CADM1: variants seen among roughly 807,000 people sequenced by gnomAD.
The protein encoded by CADM1 is TSLC-1.
CADM1 carries 15 observed loss-of-function variants against 53.1 expected under a neutral mutation model. That is an observed-to-expected ratio of 0.28 (90% CI 0.19 to 0.44). The LOEUF (loss-of-function observed/expected upper bound fraction) is 0.44. CADM1 is among the 20% of genes least tolerant of loss of function. CADM1 has a pLI of 1.00. For synonymous variants in CADM1, 281 were observed against 243.0 expected, an observed-to-expected ratio of 1.16 and a Z score of -1.45; for missense variants, 434 against 611.3, an observed-to-expected ratio of 0.71 and a Z score of 3.06.
chr11:115,402,047 A>G (rs1211150998), intron 1 of CADM1, among the ~76,000 whole-genome samples: 1 of 152,230 alleles, frequency 6.6e-6, no homozygotes, highest in African/African-American at 2.4e-5. Context: ...TTATAAAGTT[A>G]GAGAAAAGGC....
At chr11:115,238,202 A>G (rs1942077955) in intron 3 of CADM1, among the ~76,000 whole-genome samples, 1 of 152,172 alleles carries the variant, frequency 6.6e-6, no homozygotes, top group Non-Finnish European at 1.5e-5. Context: ...CCCGGTAGTT[A>G]GAAGTAATAA....
At chr11:115,435,475 G>T (rs1000507910) in intron 1 of CADM1, among the ~76,000 whole-genome samples, 2 of 152,278 alleles carry the variant, frequency 1.3e-5, no homozygotes, top group African/African-American at 4.8e-5. Flanking sequence ...GCTCACTCCT[G>T]TAATCCCAGC....
At chr11:115,291,843 A>C (rs901122722) in intron 1 of CADM1, among the ~76,000 whole-genome samples, 25 of 152,250 alleles carry the variant, frequency 1.6e-4, no homozygotes, top group African/African-American at 5.5e-4. Context: ...AGTGACAAAA[A>C]AATTAAAAAT....
chr11:115,427,289 A>G (rs535508534), intron 1 of CADM1, among the ~76,000 whole-genome samples: 2 of 152,330 alleles, frequency 1.3e-5, no homozygotes, highest in South Asian at 4.1e-4. Flanking sequence ...ATTGGGGAAC[A>G]GCTAAACAAA....
Position 115,214,728 on chromosome 11 carries a change from C to A in CADM1, c.874G>T (p.Val292Leu), listed in dbSNP as rs777959081. The A allele has an allele frequency of 1.2e-6, 2 of 1,613,916 alleles. No homozygotes were observed. The highest frequency in any genetic ancestry group is 2.2e-5 in the South Asian group (2 of 91,062). The change falls in exon 7 of 12, where the codon GTA becomes TTA. Residue 292 changes from valine to leucine, a missense_variant. Transcript: ENST00000331581. ...ATGAACAGGTTGGGCCCAGACAGTA[C>A]GGCGTGTTGAGGCATTTCATCATCG... The part of the protein sequence containing the change: ...RVDDEMPQHA[V>L]LSGPNLFINN...
intron 1 of CADM1, among the ~76,000 whole-genome samples, chr11:115,327,003 C>G (rs1442970567): frequency 6.6e-6 from 1 of 151,982 alleles, no homozygotes; most frequent in Non-Finnish European, 1.5e-5. Flanking sequence ...AATAATAATG[C>G]CAGCTACTAT....
chr11:115,372,828 A>G (rs1182434267), intron 1 of CADM1, among the ~76,000 whole-genome samples: 1 of 152,182 alleles, frequency 6.6e-6, no homozygotes, highest in Non-Finnish European at 1.5e-5. Flanking sequence ...AACAAGGAAA[A>G]CACTGGAACT....
At chr11:115,498,447 G>A (rs1465643882) in intron 1 of CADM1, among the ~76,000 whole-genome samples, 1 of 152,188 alleles carries the variant, frequency 6.6e-6, no homozygotes, top group Non-Finnish European at 1.5e-5. Flanking sequence ...GTCCTCACAT[G>A]GACGGTAATC....
intron 1 of CADM1, among the ~76,000 whole-genome samples, chr11:115,257,321 T>A (rs1409131046): frequency 6.6e-6 from 1 of 152,156 alleles, no homozygotes; most frequent in Admixed American, 6.5e-5. Flanking sequence ...AAAAATACTG[T>A]GAGTGTAACT....
Position 115,504,375 on chromosome 11 carries a change from G to A in CADM1, c.20C>T (p.Pro7Leu), listed in dbSNP as rs561567580. The A allele has an allele frequency of 1.0e-5, 16 of 1,547,514 alleles. No homozygotes were observed. Among genetic ancestry groups the A allele is most frequent in the Non-Finnish European group, 1.4e-5 (16 of 1,146,212 alleles). Residue 7 changes from proline (P) to leucine (L), a missense_variant, in exon 1 of 12, where the codon CCG becomes CTG. Pro to Leu is a moderately conservative substitution (Grantham distance 98, BLOSUM62 -3). This residue lies in a region of CADM1 where 76 missense variants were observed against 59.8 expected (regional missense o/e 1.27). Coordinates refer to ENST00000331581, the MANE Select transcript of CADM1 (RefSeq NM_001301043.2). MASVVL[P>L]SGSQCAAAAA... is the part of the protein sequence containing the mutation. ...TGCCGCCGCACACTGGGATCCGCTC[G>A]GCAGCACTACACTCGCCATGTCGGG...
chr11:115,393,018 T>A (rs1468612988), intron 1 of CADM1, among the ~76,000 whole-genome samples: 1 of 120,336 alleles, frequency 8.3e-6, no homozygotes, highest in African/African-American at 3.3e-5. Flanking sequence ...CACCTGTGAA[T>A]AGCCACTGCA....
chr11:115,381,257 G>T (rs1010038008), intron 1 of CADM1, among the ~76,000 whole-genome samples: 2 of 150,208 alleles, frequency 1.3e-5, no homozygotes, highest in African/African-American at 4.9e-5. Context: ...TGGCGCCACT[G>T]CACTGTAGCC....
intron 5 of CADM1, among the ~76,000 whole-genome samples, chr11:115,220,491 T>C (rs1185453682): frequency 6.6e-6 from 1 of 152,306 alleles, no homozygotes; most frequent in African/African-American, 2.4e-5. Context: ...ATTTACTCTT[T>C]AAGTTCTGGA....
chr11:115,402,443 A>C (rs1189466583), intron 1 of CADM1, among the ~76,000 whole-genome samples: 1 of 152,176 alleles, frequency 6.6e-6, no homozygotes, highest in East Asian at 1.9e-4. Flanking sequence ...GAATAGCTTG[A>C]ACCCGGGAGG....
At chr11:115,373,583 C>CAAA (rs35059216) in intron 1 of CADM1, among the ~76,000 whole-genome samples, 188 of 48,350 alleles carry the variant, frequency 3.9e-3, no homozygotes, top group East Asian at 0.011. Flanking sequence ...GACTCTGTCT[C>CAAA]AAAAAAAAAA....
Position 115,355,568 on chromosome 11 carries a change from G to T in CADM1, c.125-115148C>A, listed in dbSNP as rs78457710. Among the ~76,000 whole-genome samples the T allele has an allele frequency of 3.0e-3, 458 of 151,962 alleles. 1 individual carries two copies. Among genetic ancestry groups the T allele is most frequent in the African/African-American group, 0.01 (431 of 41,420 alleles). ...AATATTTACAACAAATCACTGTGGC[G>T]TAAGTTTAACCATATTACAAACGTG... On this transcript the variant is annotated intron_variant, in intron 1 of 11. Coordinates refer to ENST00000331581, the MANE Select transcript of CADM1 (RefSeq NM_001301043.2).
intron 5 of CADM1, among the ~76,000 whole-genome samples, chr11:115,219,104 G>A (rs1941305722): frequency 2.0e-5 from 3 of 152,164 alleles, no homozygotes; most frequent in East Asian, 3.9e-4. Context: ...GCAAGACATC[G>A]GTTGGCTGAA....
At chr11:115,342,686 C>T (rs1481133169) in intron 1 of CADM1, among the ~76,000 whole-genome samples, 2 of 152,154 alleles carry the variant, frequency 1.3e-5, no homozygotes, top group African/African-American at 2.4e-5. Context: ...TTTCTCTCTT[C>T]AAATGATGTG....
chr11:115,465,447 A>T (rs1366621226), intron 1 of CADM1, among the ~76,000 whole-genome samples: 3 of 152,194 alleles, frequency 2.0e-5, no homozygotes, highest in Non-Finnish European at 4.4e-5. Flanking sequence ...ATGTCTTGGC[A>T]TATGACACCC....
Sources: gnomAD v4.1 joint callset for allele counts (sites outside exome capture counted in the v4.1 genomes callset) on GRCh38, gnomAD v4.1.1 for gene constraint, gnomAD v4.1.1 regional missense constraint, MANE v1.5 for transcripts, NCBI Gene and HGNC (gene_info 2026-07-23, HGNC 2026-07-21) for gene names.